SRP54: variants seen among roughly 807,000 people sequenced by gnomAD.
SRP54 encodes signal recognition particle 54, also known as signal recognition particle subunit SRP54.
Under a neutral mutation model 64.8 loss-of-function variants are expected in SRP54, and 10 were observed. The ratio of observed to expected loss-of-function variants is 0.15; its 90% confidence interval spans 0.10 to 0.26. SRP54 has a LOEUF of 0.26. Ranked by LOEUF, SRP54 falls within the 10% of genes least tolerant of loss-of-function variation. The pLI is 1.00. For synonymous variants in SRP54, 193 were observed against 185.6 expected, an observed-to-expected ratio of 1.04 and a Z score of -0.32; for missense variants, 325 against 613.7, an observed-to-expected ratio of 0.53 and a Z score of 4.97.
Position 35,028,083 on chromosome 14 carries a change from C to G in SRP54, c.1328-5C>G, listed in dbSNP as rs770391213. ...GACTCAAAATCTTTTTTTTTTTCCC[C>G]TCAGGTGGCGACATGTCTAAGAATG... On this transcript the variant is annotated splice_polypyrimidine_tract_variant and splice_region_variant and intron_variant, in intron 14 of 15. Transcript: ENST00000216774. 1.3e-6 allele frequency: 2 copies of G among 1,592,878 alleles called. No individual in the cohort carries two copies. Among genetic ancestry groups the G allele is most frequent in the Non-Finnish European group, 1.7e-6 (2 of 1,171,252 alleles).
At chr14:35,002,403 G>A (rs1056752589) in intron 4 of SRP54, among the ~76,000 whole-genome samples, 1 of 151,054 alleles carries the variant, frequency 6.6e-6, no homozygotes, top group African/African-American at 2.4e-5. Flanking sequence ...ATGCCCACTA[G>A]TTCTACAATC....
chr14:35,028,942 C>T (rs1290967484), intron 15 of SRP54, 119 bp from the exon 16 acceptor site: 3 of 758,848 alleles, frequency 4.0e-6, no homozygotes, highest in African/African-American at 3.6e-5. Context: ...AGGCTGATGA[C>T]TAAATTGCAA....
chr14:34,993,804 A>T (rs1203946903), intron 1 of SRP54, among the ~76,000 whole-genome samples: 1 of 149,754 alleles, frequency 6.7e-6, no homozygotes, highest in Non-Finnish European at 1.5e-5. Context: ...CAAGCGATTC[A>T]CCTGTCTCAG....
intron 1 of SRP54, among the ~76,000 whole-genome samples, chr14:34,989,771 A>G (rs2043954576): frequency 6.6e-6 from 1 of 152,070 alleles, no homozygotes; most frequent in African/African-American, 2.4e-5. Context: ...ACAGAGAGAG[A>G]TAGTTGGTAT....
At chr14:34,987,059 C>T (rs1209700016) in intron 1 of SRP54, among the ~76,000 whole-genome samples, 3 of 150,962 alleles carry the variant, frequency 2.0e-5, no homozygotes, top group Non-Finnish European at 4.4e-5. Flanking sequence ...GGTGAAACCC[C>T]ATCTCTACTA....
Position 35,029,082 on chromosome 14 carries a change from C to A in SRP54, c.1445C>A (p.Ser482Ter). Residue 482 changes from serine (S) to a stop codon, truncating the protein, a stop_gained, in exon 16 of 16, where the codon TCA (serine) becomes TAA (stop). Coordinates refer to ENST00000216774, the MANE Select transcript of SRP54 (RefSeq NM_003136.4). LOFTEE classifies it high-confidence loss of function. Reference protein sequence around the residue: ...HHMGGMAGLQSMMRQFQQGAA... With the variant: ...HHMGGMAGLQ ...CTAGGTGGTATGGCAGGACTTCAGTCAATGATGAGGCAGTTTCAACAGGGT... is the reference window on the plus strand; with the variant it reads ...CTAGGTGGTATGGCAGGACTTCAGTAAATGATGAGGCAGTTTCAACAGGGT... 6.2e-7 allele frequency: 1 copy of A among 1,613,532 alleles called. No individual in the cohort carries two copies. Among genetic ancestry groups the A allele is most frequent in the Non-Finnish European group, 8.5e-7 (1 of 1,179,818 alleles).
chr14:34,996,964 C>A, intron 2 of SRP54, 177 bp downstream of exon 2: 3 of 408,434 alleles, frequency 7.3e-6, no homozygotes, highest in Non-Finnish European at 1.3e-5. Flanking sequence ...ACTACAACTT[C>A]AAATTTACTT....
At position 35,011,570 on chromosome 14, in the gene SRP54, A is replaced by G; in HGVS notation, c.547A>G (p.Asn183Asp). 6.3e-7 allele frequency: 1 copy of G among 1,586,056 alleles called. No individual in the cohort carries two copies. The highest frequency in any genetic ancestry group is 8.6e-7 in the Non-Finnish European group (1 of 1,162,296). Reference sequence around the variant, plus strand: ...AGGAGTAGAGAAATTTAAAAATGAAAATTTTGAAATTATTATTGTTGATAC... The same window carrying G: ...AGGAGTAGAGAAATTTAAAAATGAAGATTTTGAAATTATTATTGTTGATAC... ...SEGVEKFKNE[N>D]FEIIIVDTSG... The change falls in exon 8 of 16, where the codon AAT (asparagine) becomes GAT (aspartate). Residue 183 changes from asparagine to aspartate, a missense_variant. Around this residue, in one of 3 missense-constraint regions of SRP54, gnomAD observed 156 missense variants for 254.6 expected, o/e 0.61. Coordinates refer to ENST00000216774, the MANE Select transcript of SRP54 (RefSeq NM_003136.4).
chr14:34,991,560 A>C (rs1271107282), intron 1 of SRP54, among the ~76,000 whole-genome samples: 1 of 151,724 alleles, frequency 6.6e-6, no homozygotes, highest in Non-Finnish European at 1.5e-5. Flanking sequence ...ATTAGGGAAG[A>C]CCTCATTGAG....
chr14:35,014,843 CA>C lies in SRP54; in HGVS notation c.973+19del. 3 of 1,568,404 alleles carry C rather than the reference CA, an allele frequency of 1.9e-6. No homozygotes were observed. The highest frequency in any genetic ancestry group is 1.4e-5 in the African/African-American group (1 of 72,912). ...AAGTTGAAACATGGTATATGAGTGA[CA>C]AAAAAGCACTTCATCTCAGATTTCT... On this transcript the variant is annotated intron_variant, in intron 11 of 15. Transcript: ENST00000216774.
At position 34,983,056 on chromosome 14, in the gene SRP54, C is replaced by G. The variant is rs1023304524; in HGVS notation, c.-193C>G. 6.6e-6 allele frequency: 1 copy of G among 152,286 alleles called. No individual in the cohort carries two copies. The highest frequency in any genetic ancestry group is 2.4e-5 in the African/African-American group (1 of 41,452). 9.4% of individuals were successfully genotyped at this position (152,286 alleles called of 1,614,324 possible). On this transcript the variant is annotated 5_prime_UTR_variant, in exon 1 of 16. Coordinates refer to ENST00000216774, the MANE Select transcript of SRP54 (RefSeq NM_003136.4). ...GCTGGTGGGAGTTGACGACGTGGTG[C>G]TGGGCGTTGGGACCCTACTTTATCT...
At position 35,019,224 on chromosome 14, in the gene SRP54, C is replaced by CA. The variant is rs879319084; in HGVS notation, c.1156+153dup. 1.0e-5 allele frequency: 6 copies of CA among 586,614 alleles called. No individual in the cohort carries two copies. The East Asian group carries it at 1.8e-4, about 17-fold the overall frequency. 36.3% of individuals were successfully genotyped at this position (586,614 alleles called of 1,614,324 possible). On this transcript the variant is annotated intron_variant, in intron 13 of 15. Transcript: ENST00000216774. ...TTGTAATAGCTTGAAAGCTCTTACT[C>CA]AAAGGGTTATGATTATTGGATTGCC...
intron 1 of SRP54, among the ~76,000 whole-genome samples, chr14:34,983,841 A>G (rs1270226944): frequency 6.6e-6 from 1 of 152,256 alleles, no homozygotes; most frequent in East Asian, 1.9e-4. Flanking sequence ...GCTAACGCAC[A>G]TAAATACACA....
chr14:35,013,245 G>A, intron 8 of SRP54, 101 bp from the exon 9 acceptor site: 3 of 1,147,586 alleles, frequency 2.6e-6, no homozygotes, highest in Non-Finnish European at 3.7e-6. Context: ...ATGAGCCACT[G>A]CACCTGGCTC....
chr14:35,026,836 G>A (rs2044635064), intron 14 of SRP54, among the ~76,000 whole-genome samples: 1 of 151,930 alleles, frequency 6.6e-6, no homozygotes, highest in Non-Finnish European at 1.5e-5. Context: ...CCAGCTACTC[G>A]GGAGGCTGAG....
chr14:34,990,313 A>C (rs2043959920), intron 1 of SRP54, among the ~76,000 whole-genome samples: 1 of 152,238 alleles, frequency 6.6e-6, no homozygotes, highest in Admixed American at 6.5e-5. Flanking sequence ...ATAGCATAGC[A>C]GCAAAATTTG....
At position 34,996,012 on chromosome 14, in the gene SRP54, C is replaced by T. The variant is rs1214437547; in HGVS notation, c.-33-665C>T. On this transcript the variant is annotated intron_variant, in intron 1 of 15. Transcript: ENST00000216774. ...CCCAGGAAGTTGAGGCTGCAGTCAGCTGTGATCACACCACTGCACTCCAGC... is the reference window on the plus strand; with the variant it reads ...CCCAGGAAGTTGAGGCTGCAGTCAGTTGTGATCACACCACTGCACTCCAGC... Among the ~76,000 whole-genome samples the T allele has an allele frequency of 5.3e-4, 79 of 149,498 alleles. 1 individual carries two copies. The highest frequency in any genetic ancestry group is 1.5e-5 in the Non-Finnish European group (1 of 67,708).
chr14:35,016,845 C>CTTTTTTT (rs869140791), intron 11 of SRP54, among the ~76,000 whole-genome samples: 1 of 67,758 alleles, frequency 1.5e-5, no homozygotes, highest in Non-Finnish European at 3.3e-5. Context: ...TTTTTCTTTT[C>CTTTTTTT]TTTTTTTTTT....
At chr14:35,027,868 C>A in intron 14 of SRP54, 1 of 325,564 alleles carries the variant, frequency 3.1e-6, no homozygotes, top group Non-Finnish European at 5.5e-6. Context: ...TTTATATGTC[C>A]TTTTATATAG....
Sources: gnomAD v4.1 joint callset for allele counts (sites outside exome capture counted in the v4.1 genomes callset) on GRCh38, gnomAD v4.1.1 for gene constraint, gnomAD v4.1.1 regional missense constraint, MANE v1.5 for transcripts, NCBI Gene and HGNC (gene_info 2026-07-23, HGNC 2026-07-21) for gene names.